FRMPD4: variants seen among roughly 807,000 people sequenced by gnomAD.
FRMPD4 encodes the protein FERM and PDZ domain containing 4.
A neutral mutation model predicts 94.1 loss-of-function variants in FRMPD4; 22 were observed. The ratio of observed to expected loss-of-function variants is 0.23; its 90% CI spans 0.17 to 0.33. The LOEUF is 0.33. Among genes scored for constraint, FRMPD4 ranks in the 10% least tolerant of loss-of-function variants. FRMPD4 has a pLI of 1.00. For synonymous variants in FRMPD4, 631 were observed against 548.6 expected, an observed-to-expected ratio of 1.15 and a Z score of -2.10; for missense variants, 1,111 against 1,339.9, an observed-to-expected ratio of 0.83 and a Z score of 2.67.
intron 3 of FRMPD4, among the ~76,000 whole-genome samples, chrX:12,010,352 C>T (rs981842302): frequency 1.8e-5 from 2 of 112,109 alleles, no homozygotes; most frequent in African/African-American, 3.2e-5. Context: ...GAAAAATTCT[C>T]TTAAAATACT....
At chrX:12,033,543 C>G (rs890141330) in intron 3 of FRMPD4, among the ~76,000 whole-genome samples, 1 of 110,918 alleles carries the variant, frequency 9.0e-6, no homozygotes, top group Non-Finnish European at 1.9e-5. Flanking sequence ...TTAATATGTG[C>G]TAGAGAGGCA....
intron 1 of FRMPD4, among the ~76,000 whole-genome samples, chrX:12,403,676 T>C (rs2056634953): frequency 9.0e-6 from 1 of 111,334 alleles, no homozygotes; most frequent in African/African-American, 3.3e-5. Context: ...TAAATACCTG[T>C]TGAATATAAG....
chrX:12,282,849 T>C (rs1279852185), intron 1 of FRMPD4, among the ~76,000 whole-genome samples: 1 of 112,469 alleles, frequency 8.9e-6, no homozygotes, highest in Non-Finnish European at 1.9e-5. Flanking sequence ...AAGATAAGTC[T>C]GCAATGAGGA....
chrX:12,514,174 T>C lies in FRMPD4; in HGVS notation c.158+15378T>C, dbSNP rs527289927. ...CATGTCGTCTACAAACAGAGACAGT[T>C]TGACTTCCTCTCTTCCTATTTGAAT... On this transcript the variant is annotated intron_variant, in intron 2 of 16. Coordinates refer to ENST00000675598, the MANE Select transcript of FRMPD4 (RefSeq NM_001368397.1). Among the ~76,000 whole-genome samples the C allele has an allele frequency of 4.1e-4, 46 of 111,742 alleles. No homozygotes were observed. The South Asian group carries it at 0.017, about 42-fold the overall frequency.
chrX:12,635,925 T>C (rs1190266450), intron 4 of FRMPD4, among the ~76,000 whole-genome samples: 1 of 111,714 alleles, frequency 9.0e-6, no homozygotes. Context: ...CCACACACCA[T>C]ACTCCACATG....
At chrX:12,671,298 T>C (rs1292764467) in intron 4 of FRMPD4, among the ~76,000 whole-genome samples, 1 of 111,856 alleles carries the variant, frequency 8.9e-6, no homozygotes, top group Non-Finnish European at 1.9e-5. Flanking sequence ...ATGTTTATTG[T>C]GGCACCATTC....
intron 5 of FRMPD4, among the ~76,000 whole-genome samples, chrX:12,675,553 G>A (rs1030673457): frequency 9.0e-6 from 1 of 110,980 alleles, no homozygotes; most frequent in Non-Finnish European, 1.9e-5. Flanking sequence ...CCATCCAGTT[G>A]GAGGACATTT....
chrX:11,884,971 G>A, intron 3 of FRMPD4, among the ~76,000 whole-genome samples: 1 of 111,628 alleles, frequency 9.0e-6, no homozygotes, highest in South Asian at 3.7e-4. Context: ...TCCTTGGCAT[G>A]TAACAGGCCC....
intron 1 of FRMPD4, among the ~76,000 whole-genome samples, chrX:12,237,955 C>T (rs1012996225): frequency 1.8e-5 from 2 of 111,682 alleles, no homozygotes; most frequent in African/African-American, 6.5e-5. Flanking sequence ...AGAGCAGTGA[C>T]CTGTTTTTAT....
chrX:11,954,548 G>A (rs949933420), intron 3 of FRMPD4, among the ~76,000 whole-genome samples: 2 of 111,744 alleles, frequency 1.8e-5, no homozygotes, highest in South Asian at 7.5e-4. Flanking sequence ...TTAAAGCAAA[G>A]CAACTAAGAG....
intron 3 of FRMPD4, among the ~76,000 whole-genome samples, chrX:12,058,933 T>C (rs2147458890): frequency 9.0e-6 from 1 of 111,499 alleles, no homozygotes; most frequent in East Asian, 2.8e-4. Flanking sequence ...AGGCCAATAG[T>C]CAATAGTGTT....
At chrX:12,275,911 C>G (rs1483603484) in intron 1 of FRMPD4, among the ~76,000 whole-genome samples, 1 of 111,503 alleles carries the variant, frequency 9.0e-6, no homozygotes, top group Non-Finnish European at 1.9e-5. Flanking sequence ...CTTGTCAAGA[C>G]CACAATGCAG....
At chrX:11,871,968 A>G (rs1452399859) in intron 2 of FRMPD4, among the ~76,000 whole-genome samples, 1 of 112,148 alleles carries the variant, frequency 8.9e-6, no homozygotes, top group Non-Finnish European at 1.9e-5. Flanking sequence ...ACTGCCTAGC[A>G]CAATGCCTAA....
intron 2 of FRMPD4, among the ~76,000 whole-genome samples, chrX:11,870,206 A>C (rs1205717842): frequency 9.0e-6 from 1 of 111,721 alleles, no homozygotes; most frequent in Non-Finnish European, 1.9e-5. Context: ...AATCTATGGA[A>C]ATTTAGAGAT....
intron 1 of FRMPD4, among the ~76,000 whole-genome samples, chrX:12,434,411 C>T (rs968960840): frequency 5.4e-5 from 6 of 112,048 alleles, no homozygotes; most frequent in Non-Finnish European, 5.6e-5. Context: ...GCTCTCCTCT[C>T]AGTGTAGGCA....
chrX:12,037,901 AG>A (rs2054728945), intron 3 of FRMPD4, among the ~76,000 whole-genome samples: 1 of 111,747 alleles, frequency 8.9e-6, no homozygotes, highest in Non-Finnish European at 1.9e-5. Context: ...GTCCCTGCAA[AG>A]GACATGATCT....
chrX:12,651,658 G>T (rs2059596538), intron 4 of FRMPD4, among the ~76,000 whole-genome samples: 1 of 110,951 alleles, frequency 9.0e-6, no homozygotes, highest in African/African-American at 3.3e-5. Context: ...ACAGTCTCTG[G>T]CCCTCTGTTT....
chrX:12,586,352 A>T (rs1433037347), intron 2 of FRMPD4, among the ~76,000 whole-genome samples: 1 of 112,881 alleles, frequency 8.9e-6, no homozygotes, highest in Non-Finnish European at 1.9e-5. Flanking sequence ...TTAAACACAT[A>T]AAGTATGGAT....
At chrX:12,434,659 C>G (rs1482150180) in intron 1 of FRMPD4, among the ~76,000 whole-genome samples, 1 of 112,229 alleles carries the variant, frequency 8.9e-6, no homozygotes, top group African/African-American at 3.2e-5. Flanking sequence ...TCTAAAACCA[C>G]TTGCAGGCAG....
Sources: allele counts gnomAD v4.1 joint callset (sites outside exome capture counted in the v4.1 genomes callset), GRCh38; gene constraint gnomAD v4.1.1; transcripts MANE v1.5; gene names NCBI Gene and HGNC (gene_info 2026-07-23, HGNC 2026-07-21).